SDK1: variants seen among roughly 807,000 people sequenced by gnomAD.
The protein encoded by SDK1 is sidekick cell adhesion molecule 1.
In SDK1, 157 loss-of-function variants were observed where a neutral mutation model predicts 245.5. The ratio of observed to expected loss-of-function variants is 0.64; its 90% CI spans 0.56 to 0.73. The LOEUF is 0.73. Ranked by LOEUF, SDK1 falls within the 30% of genes least tolerant of loss-of-function variation. The probability of loss-of-function intolerance (pLI) is 0.00; values close to 1 mark genes in which losing one functional copy is unlikely to be tolerated. For synonymous variants in SDK1, 1,647 were observed against 1,278.5 expected, an observed-to-expected ratio of 1.29 and a Z score of -6.15; for missense variants, 3,583 against 3,002.3, an observed-to-expected ratio of 1.19 and a Z score of -4.52.
At chr7:3,472,797 A>T (rs1432587079) in intron 1 of SDK1, among the ~76,000 whole-genome samples, 1 of 152,186 alleles carries the variant, frequency 6.6e-6, no homozygotes, top group African/African-American at 2.4e-5. Flanking sequence ...CAGCATGAGA[A>T]CATAGGGTAA....
intron 30 of SDK1, among the ~76,000 whole-genome samples, chr7:4,157,129 G>C (rs187479498): frequency 6.6e-6 from 1 of 152,122 alleles, no homozygotes; most frequent in South Asian, 2.1e-4. Flanking sequence ...GTCCCTGACC[G>C]GCTGGGGCTT....
chr7:4,193,392 ATATAT>A (rs1458301787), intron 35 of SDK1, among the ~76,000 whole-genome samples: 5,170 of 138,150 alleles, frequency 0.037, 197 homozygotes, highest in African/African-American at 0.094. Flanking sequence ...ATATATATAT[ATATAT>A]AAAGGGGAGT....
intron 1 of SDK1, among the ~76,000 whole-genome samples, chr7:3,434,308 C>T (rs1779955740): frequency 1.3e-5 from 2 of 152,106 alleles, no homozygotes; most frequent in Non-Finnish European, 2.9e-5. Context: ...CATCAGGAGC[C>T]TGTAAGAGAA....
intron 1 of SDK1, among the ~76,000 whole-genome samples, chr7:3,523,816 T>G (rs1199736116): frequency 4.6e-5 from 7 of 152,360 alleles, no homozygotes; most frequent in African/African-American, 1.4e-4. Flanking sequence ...ATTTAGTCTC[T>G]TTGTTCTAAT....
At chr7:3,741,419 A>G (rs951366275) in intron 4 of SDK1, among the ~76,000 whole-genome samples, 1 of 152,284 alleles carries the variant, frequency 6.6e-6, no homozygotes, top group East Asian at 1.9e-4. Flanking sequence ...CGTGCACCCC[A>G]CTGGCCATGC....
At chr7:3,807,656 A>G (rs570011711) in intron 4 of SDK1, among the ~76,000 whole-genome samples, 1 of 152,138 alleles carries the variant, frequency 6.6e-6, no homozygotes, top group Non-Finnish European at 1.5e-5. Context: ...GTTTGCACAG[A>G]TTCCTCTCCC....
At chr7:3,403,917 C>T (rs1522503) in intron 1 of SDK1, among the ~76,000 whole-genome samples, 23 of 133,386 alleles carry the variant, frequency 1.7e-4, no homozygotes, top group Non-Finnish European at 3.3e-4. Flanking sequence ...ATTCCATATA[C>T]AGGCATACCT....
chr7:3,993,275 G>T (rs576775950), intron 14 of SDK1, among the ~76,000 whole-genome samples: 2 of 152,266 alleles, frequency 1.3e-5, no homozygotes, highest in African/African-American at 4.8e-5. Flanking sequence ...TCCTTGGGCT[G>T]GACAAAGGCG....
intron 29 of SDK1, 43 bp downstream of exon 29, chr7:4,145,959 C>A: frequency 6.5e-7 from 1 of 1,533,992 alleles, no homozygotes; most frequent in Non-Finnish European, 8.8e-7. Context: ...ATGTTGTGGG[C>A]ACAGCTTCCT....
chr7:4,174,501 G>T (rs557503727), intron 33 of SDK1, 144 bp downstream of exon 33: 6 of 947,764 alleles, frequency 6.3e-6, no homozygotes, highest in Non-Finnish European at 7.9e-6. Flanking sequence ...GGGAGCAGGC[G>T]GGTTTACCCA....
chr7:3,727,742 C>G (rs1779053578), intron 4 of SDK1, among the ~76,000 whole-genome samples: 1 of 152,178 alleles, frequency 6.6e-6, no homozygotes, highest in Non-Finnish European at 1.5e-5. Context: ...CCACCCGCCT[C>G]AGCCTCCCAA....
intron 2 of SDK1, among the ~76,000 whole-genome samples, chr7:3,630,773 C>T (rs1025092435): frequency 3.3e-5 from 5 of 151,942 alleles, no homozygotes; most frequent in Admixed American, 3.3e-4. Flanking sequence ...AATCAATGGG[C>T]AGATACACTG....
chr7:4,147,876 T>C (rs1277835661), intron 29 of SDK1, among the ~76,000 whole-genome samples: 2 of 152,166 alleles, frequency 1.3e-5, no homozygotes, highest in Non-Finnish European at 1.5e-5. Flanking sequence ...ACATTGACTG[T>C]GCCCCTCCCG....
At chr7:3,523,826 T>G (rs1783026337) in intron 1 of SDK1, among the ~76,000 whole-genome samples, 1 of 152,260 alleles carries the variant, frequency 6.6e-6, no homozygotes, top group African/African-American at 2.4e-5. Context: ...TTTGTTCTAA[T>G]TTCATCTTCA....
intron 28 of SDK1, chr7:4,134,713 A>G (rs1584249723): frequency 6.7e-6 from 1 of 150,190 alleles, no homozygotes; most frequent in Non-Finnish European, 1.5e-5. Context: ...GCAAGTCCTC[A>G]CTCTATGGTC....
chr7:3,849,282 C>G (rs1005144820), intron 5 of SDK1, among the ~76,000 whole-genome samples: 1 of 152,190 alleles, frequency 6.6e-6, no homozygotes, highest in Non-Finnish European at 1.5e-5. Context: ...CTCATTCACT[C>G]TTTATCTTCA....
intron 22 of SDK1, among the ~76,000 whole-genome samples, chr7:4,083,524 T>TACTC (rs1781197041): frequency 1.1e-5 from 1 of 90,974 alleles, no homozygotes; most frequent in African/African-American, 5.8e-5. Context: ...CCATTTCCAC[T>TACTC]CCTCCCTCCC....
intron 13 of SDK1, among the ~76,000 whole-genome samples, chr7:3,982,835 A>G (rs982179120): frequency 7.5e-4 from 113 of 151,608 alleles, no homozygotes; most frequent in African/African-American, 2.7e-3. Flanking sequence ...GCGAGACAAC[A>G]TCTCAAAAAA....
At chr7:3,736,357 G>A (rs561125422) in intron 4 of SDK1, among the ~76,000 whole-genome samples, 1 of 152,252 alleles carries the variant, frequency 6.6e-6, no homozygotes, top group African/African-American at 2.4e-5. Flanking sequence ...GCAGTGGCAC[G>A]TCTCGGCTCA....
Sources: gnomAD v4.1 joint callset for allele counts (sites outside exome capture counted in the v4.1 genomes callset) on GRCh38, gnomAD v4.1.1 for gene constraint, MANE v1.5 for transcripts, NCBI Gene and HGNC (gene_info 2026-07-23, HGNC 2026-07-21) for gene names.